The following RIMBP2 variants were observed in gnomAD, a reference collection of about 807,000 sequenced individuals.
RIMBP2 encodes RIMS-binding protein 2.
A neutral mutation model predicts 118.6 loss-of-function variants in RIMBP2; 48 were observed. That is an observed-to-expected ratio of 0.40 (90% CI 0.32 to 0.51). RIMBP2 has a LOEUF of 0.51. Among genes scored for constraint, RIMBP2 ranks in the 20% least tolerant of loss-of-function variants. The pLI, the probability that RIMBP2 is intolerant of heterozygous loss-of-function variation, is 0.41. For synonymous variants in RIMBP2, 762 were observed against 742.9 expected (o/e 1.03, Z -0.42); for missense variants, 1,551 against 1,768.3 (o/e 0.88, Z 2.20).
chr12:130,609,982 C>T (rs976720729), intron 2 of RIMBP2, among the ~76,000 whole-genome samples: 2 of 152,142 alleles, frequency 1.3e-5, no homozygotes, highest in African/African-American at 4.8e-5. Flanking sequence ...TCCACTGATC[C>T]GAATGCTCAC....
chr12:130,404,257 T>C (rs558881986), intron 21 of RIMBP2, among the ~76,000 whole-genome samples: 2 of 152,266 alleles, frequency 1.3e-5, no homozygotes, highest in South Asian at 2.1e-4. Flanking sequence ...GAATATATGC[T>C]AGGGGGAAAA....
chr12:130,692,550 C>T (rs1167720882), intron 1 of RIMBP2, among the ~76,000 whole-genome samples: 1 of 151,904 alleles, frequency 6.6e-6, no homozygotes, highest in Non-Finnish European at 1.5e-5. Flanking sequence ...GAGGCAGCCT[C>T]CTCCCCTCTT....
chr12:130,602,086 G>A (rs1479173148), intron 2 of RIMBP2, among the ~76,000 whole-genome samples: 1 of 152,138 alleles, frequency 6.6e-6, no homozygotes, highest in Non-Finnish European at 1.5e-5. Context: ...ATCATCTGAG[G>A]TCTGGAGTTC....
At position 130,665,627 on chromosome 12, in the gene RIMBP2, T is replaced by C. The variant is rs1487548063; in HGVS notation, c.-351-37171A>G. 1.3e-5 allele frequency among the ~76,000 whole-genome samples: 2 copies of C among 151,638 alleles called. 1 individual carries two copies. The highest frequency in any genetic ancestry group is 4.9e-5 in the African/African-American group (2 of 40,930). ...TGAGGAACCTTCTGTAAAACTACTGTCCTTCACTCTTCAAAAATGGTCCAA... is the reference window on the plus strand; with the variant it reads ...TGAGGAACCTTCTGTAAAACTACTGCCCTTCACTCTTCAAAAATGGTCCAA... On this transcript the variant is annotated intron_variant, in intron 1 of 22. Transcript: ENST00000690449.
chr12:130,561,287 G>C (rs1400638338), intron 2 of RIMBP2, among the ~76,000 whole-genome samples: 2 of 152,164 alleles, frequency 1.3e-5, no homozygotes, highest in Non-Finnish European at 2.9e-5. Context: ...GGCAGCACTA[G>C]CAAATGAATA....
At chr12:130,658,477 A>AAAAAAAAGAAGACGGCAGACAACAGTTT (rs1489764067) in intron 1 of RIMBP2, 10 of 152,070 alleles carry the variant, frequency 6.6e-5, no homozygotes, top group African/African-American at 2.4e-4. Context: ...TTCAACTATG[A>AAAAAAAAGAAGACGGCAGACAACAGTTT]AAAAAAAGAA....
chr12:130,664,509 T>A (rs2063835772), intron 1 of RIMBP2, among the ~76,000 whole-genome samples: 1 of 143,712 alleles, frequency 7.0e-6, no homozygotes. Flanking sequence ...CCTGGCTCTG[T>A]CGACTACAGG....
At chr12:130,507,518 A>G (rs1415994500) in intron 3 of RIMBP2, among the ~76,000 whole-genome samples, 1 of 152,226 alleles carries the variant, frequency 6.6e-6, no homozygotes, top group African/African-American at 2.4e-5. Context: ...AGTGAATAAA[A>G]ATGCCAATGA....
At chr12:130,479,923 C>T (rs988701044) in intron 4 of RIMBP2, among the ~76,000 whole-genome samples, 21 of 151,894 alleles carry the variant, frequency 1.4e-4, no homozygotes, top group African/African-American at 2.2e-4. Flanking sequence ...TCCCCTCTGA[C>T]GGGTCTCACG....
chr12:130,594,653 A>T (rs1163319203), intron 2 of RIMBP2, among the ~76,000 whole-genome samples: 3 of 152,158 alleles, frequency 2.0e-5, no homozygotes, highest in African/African-American at 7.2e-5. Context: ...CATGTGGCCC[A>T]TGGGTAATGG....
rs2078663224 is a variant in RIMBP2, at chr12:130,447,797, C to A, written c.581+2403G>T. On this transcript the variant is annotated intron_variant, in intron 9 of 22. Transcript: ENST00000690449. The surrounding 1 kb of genome is among the most constrained non-coding windows in gnomAD (Gnocchi z 4.4). ...GGCGTTCCCCACGGCGGAGGCTGCA[C>A]CAGATGGAAGGGAGGAGACATGGAC... 6.6e-6 allele frequency among the ~76,000 whole-genome samples: 1 copy of A among 152,140 alleles called. No individual in the cohort carries two copies. The highest frequency in any genetic ancestry group is 1.5e-5 in the Non-Finnish European group (1 of 68,020).
At chr12:130,526,463 C>A (rs1224804642) in intron 2 of RIMBP2, among the ~76,000 whole-genome samples, 1 of 152,162 alleles carries the variant, frequency 6.6e-6, no homozygotes, top group Non-Finnish European at 1.5e-5. Context: ...CAACTTCCAG[C>A]CAACTGTACA....
At chr12:130,678,378 C>T (rs909946801) in intron 1 of RIMBP2, among the ~76,000 whole-genome samples, 20 of 152,236 alleles carry the variant, frequency 1.3e-4, no homozygotes, top group Non-Finnish European at 2.1e-4. Context: ...ACGAGCGGAT[C>T]GTAGTGCTGC....
At chr12:130,488,878 A>G (rs1295895262) in intron 4 of RIMBP2, among the ~76,000 whole-genome samples, 6 of 152,190 alleles carry the variant, frequency 3.9e-5, no homozygotes, top group Non-Finnish European at 8.8e-5. Context: ...TTTCCCTTCT[A>G]ATCTGCAGAA....
chr12:130,535,597 G>C (rs1053158112), intron 2 of RIMBP2, among the ~76,000 whole-genome samples: 23 of 151,164 alleles, frequency 1.5e-4, no homozygotes, highest in African/African-American at 4.9e-4. Flanking sequence ...TTTAATCCTT[G>C]CAACAAGCCT....
intron 2 of RIMBP2, among the ~76,000 whole-genome samples, chr12:130,609,940 G>T (rs1377999364): frequency 1.3e-5 from 2 of 152,134 alleles, no homozygotes; most frequent in Non-Finnish European, 2.9e-5. Flanking sequence ...TGAATCAGAG[G>T]ATGCCCTCAT....
intron 4 of RIMBP2, among the ~76,000 whole-genome samples, chr12:130,497,980 G>A (rs1021792349): frequency 9.2e-5 from 14 of 152,238 alleles, no homozygotes; most frequent in African/African-American, 3.4e-4. Context: ...GAGAGTCTCT[G>A]TCTATTCCAG....
chr12:130,652,382 T>G (rs1206993165), intron 1 of RIMBP2, among the ~76,000 whole-genome samples: 1 of 152,230 alleles, frequency 6.6e-6, no homozygotes, highest in Non-Finnish European at 1.5e-5. Context: ...CTGACTTTTT[T>G]CCAAAAAAGT....
rs150857379 is a variant in RIMBP2, at chr12:130,675,195, G to A, written c.-352+41027C>T. 1.4e-3 allele frequency among the ~76,000 whole-genome samples: 209 copies of A among 152,328 alleles called. 2 individuals carry two copies. Among genetic ancestry groups the A allele is most frequent in the African/African-American group, 3.8e-3 (158 of 41,578 alleles). The stretch of plus-strand genomic sequence containing the variant: ...GGAAGGGACGCAAGCCCTGGTTGAC[G>A]GAGCCGCGGCCTCTGCTGAGACAGG... On this transcript the variant is annotated intron_variant, in intron 1 of 22. Transcript: ENST00000690449.
Sources: gnomAD v4.1 joint callset for allele counts (sites outside exome capture counted in the v4.1 genomes callset) on GRCh38, gnomAD v4.1.1 for gene constraint, Gnocchi (gnomAD v3.1) non-coding constraint, MANE v1.5 for transcripts, NCBI Gene and HGNC (gene_info 2026-07-23, HGNC 2026-07-21) for gene names.